The following SKIL variants were observed in gnomAD, a reference collection of about 807,000 sequenced individuals.
SKIL encodes SKI like proto-oncogene, also known as ski-like protein.
SKIL carries 20 observed loss-of-function variants against 69.6 expected under a neutral mutation model. The ratio of observed to expected loss-of-function variants is 0.29; its 90% CI spans 0.20 to 0.42. The LOEUF (loss-of-function observed/expected upper bound fraction) is 0.42. Ranked by LOEUF, SKIL falls within the 10% of genes least tolerant of loss-of-function variation. SKIL has a pLI of 1.00. For synonymous variants in SKIL, 310 were observed against 279.9 expected, an observed-to-expected ratio of 1.11 and a Z score of -1.08; for missense variants, 745 against 783.1, an observed-to-expected ratio of 0.95 and a Z score of 0.58.
chr3:170,361,148 CAG>C lies in SKIL; in HGVS notation c.818_819del (p.Gln273ArgfsTer12). On this transcript the variant is annotated frameshift_variant, in exon 2 of 7. Coordinates refer to ENST00000259119, the MANE Select transcript of SKIL (RefSeq NM_005414.5). LOFTEE classifies it high-confidence loss of function. ...EVEHECLGKC[Q>X]GLFAPQFYVQ... ...GGAGCATGAATGCCTAGGCAAATGT[CAG>C]GGTTTATTTGCACCCCAGTTTTATG... 1 of 1,614,200 alleles carries C rather than the reference CAG, an allele frequency of 6.2e-7. No individual in the cohort carries two copies. The highest frequency in any genetic ancestry group is 8.5e-7 in the Non-Finnish European group (1 of 1,180,032).
At chr3:170,385,442 G>T (rs1024423620) in intron 4 of SKIL, among the ~76,000 whole-genome samples, 7 of 151,908 alleles carry the variant, frequency 4.6e-5, no homozygotes, top group Non-Finnish European at 8.8e-5. Flanking sequence ...TTAATAATAA[G>T]AAGTATTATG....
chr3:170,358,204 G>T (rs1465824200), intron 1 of SKIL, among the ~76,000 whole-genome samples: 3 of 152,198 alleles, frequency 2.0e-5, no homozygotes, highest in Admixed American at 6.5e-5. Context: ...CTTCGTTCTG[G>T]CCCGGGGCTG....
intron 2 of SKIL, among the ~76,000 whole-genome samples, chr3:170,364,365 C>A (rs1393252773): frequency 7.5e-6 from 1 of 133,926 alleles, no homozygotes; most frequent in African/African-American, 2.8e-5. Flanking sequence ...CTCTTATTGC[C>A]CAGGCTGGAG....
Position 170,368,144 on chromosome 3 carries a change from A to G in SKIL, c.1098+6715A>G, listed in dbSNP as rs141207503. Among the ~76,000 whole-genome samples, 37 of 152,322 alleles carry G rather than the reference A, an allele frequency of 2.4e-4. No homozygotes were observed. The East Asian group carries it at 6.2e-3, about 25-fold the overall frequency. ...GTTGTGTTGGGACAGAATGTGATCTAGTAATAATTGTGGTGGATTTGATGG... is the reference window on the plus strand; with the variant it reads ...GTTGTGTTGGGACAGAATGTGATCTGGTAATAATTGTGGTGGATTTGATGG... On this transcript the variant is annotated intron_variant, in intron 2 of 6. Transcript: ENST00000259119.
chr3:170,395,077 G>A lies in SKIL; in HGVS notation c.*2660G>A, dbSNP rs1213690462. On this transcript the variant is annotated 3_prime_UTR_variant, in exon 7 of 7. Transcript: ENST00000259119. ...GCATTAAAGGGACAACCTATAAAAA[G>A]TTTTGCTAGCTCATCTTTAGAAGGA... 2.0e-5 allele frequency: 3 copies of A among 152,108 alleles called. No individual in the cohort carries two copies. Among genetic ancestry groups the A allele is most frequent in the Admixed American group, 2.0e-4 (3 of 15,266 alleles). 9.4% of individuals were successfully genotyped at this position (152,108 alleles called of 1,614,324 possible). A position where few individuals can be genotyped will look rare whatever the true frequency, so the allele number is the denominator to read the frequency against.
At chr3:170,392,112 T>C in intron 6 of SKIL, 147 bp from the exon 7 acceptor site, 1 of 594,918 alleles carries the variant, frequency 1.7e-6, no homozygotes, top group Non-Finnish European at 2.9e-6. Flanking sequence ...GATGTCAGAT[T>C]AATAGTATTA....
chr3:170,361,295 T>G lies in SKIL; in HGVS notation c.964T>G (p.Ser322Ala), dbSNP rs1479607542. ...DKRTCHWGFE[S>A]AKWHCYLHVN... ...AAGAACTTGCCACTGGGGCTTTGAATCAGCTAAATGGCATTGCTATCTTCA... is the reference window on the plus strand; with the variant it reads ...AAGAACTTGCCACTGGGGCTTTGAAGCAGCTAAATGGCATTGCTATCTTCA... Residue 322 changes from serine (S) to alanine (A), a missense_variant, in exon 2 of 7, where the codon TCA becomes GCA. Transcript: ENST00000259119. 5.6e-6 allele frequency: 9 copies of G among 1,614,184 alleles called. No homozygotes were observed. The highest frequency in any genetic ancestry group is 7.6e-6 in the Non-Finnish European group (9 of 1,180,030).
At position 170,393,127 on chromosome 3, in the gene SKIL, G is replaced by A. The variant is rs536918240; in HGVS notation, c.*710G>A. On this transcript the variant is annotated 3_prime_UTR_variant, in exon 7 of 7. Coordinates refer to ENST00000259119, the MANE Select transcript of SKIL (RefSeq NM_005414.5). Reference sequence around the variant, plus strand: ...TTATAGTTAGATTTTTTTTTAAGCAGCAACTTTTCAAAAATAAAATGTGAT... The same window carrying A: ...TTATAGTTAGATTTTTTTTTAAGCAACAACTTTTCAAAAATAAAATGTGAT... 4 of 151,990 alleles carry A rather than the reference G, an allele frequency of 2.6e-5. No individual in the cohort carries two copies. Among genetic ancestry groups the A allele is most frequent in the Non-Finnish European group, 5.9e-5 (4 of 67,962 alleles). 9.4% of individuals were successfully genotyped at this position (151,990 alleles called of 1,614,324 possible).
chr3:170,358,157 G>A (rs1462935656), intron 1 of SKIL, among the ~76,000 whole-genome samples: 1 of 152,186 alleles, frequency 6.6e-6, no homozygotes, highest in African/African-American at 2.4e-5. Flanking sequence ...GGCGGCGCAG[G>A]GATCCGCGCC....
chr3:170,366,696 G>GACACACAGACACACAGACAC (rs57637265), intron 2 of SKIL, among the ~76,000 whole-genome samples: 1 of 147,580 alleles, frequency 6.8e-6, no homozygotes, highest in African/African-American at 2.5e-5. Flanking sequence ...CACACACACA[G>GACACACAGACACACAGACAC]ACACACACAC....
chr3:170,371,087 A>C (rs1736780735), intron 2 of SKIL, among the ~76,000 whole-genome samples: 1 of 152,264 alleles, frequency 6.6e-6, no homozygotes, highest in Non-Finnish European at 1.5e-5. Context: ...AGTACAAAGA[A>C]GAAAACACAA....
chr3:170,388,025 G>C (rs1479945630), intron 4 of SKIL, among the ~76,000 whole-genome samples: 2 of 149,406 alleles, frequency 1.3e-5, no homozygotes, highest in South Asian at 4.2e-4. Context: ...TTTTTTTTTG[G>C]TATGTATTTA....
intron 2 of SKIL, among the ~76,000 whole-genome samples, chr3:170,371,756 A>G (rs1199844523): frequency 6.6e-6 from 1 of 152,232 alleles, no homozygotes; most frequent in Non-Finnish European, 1.5e-5. Context: ...TTCATTACAT[A>G]CAATGGATGC....
intron 4 of SKIL, among the ~76,000 whole-genome samples, chr3:170,386,458 GT>G (rs796309845): frequency 1.3e-5 from 2 of 151,988 alleles, no homozygotes; most frequent in African/African-American, 2.4e-5. Context: ...TATTTTGAGG[GT>G]TTTTTGTTTC....
In SKIL at chr3:170,360,989, C is replaced by T. The variant is rs777379434; in HGVS notation, c.658C>T (p.Leu220=). The stretch of plus-strand genomic sequence containing the variant: ...TCCATTCAATGCCCCATCCTGTGGG[C>T]TGATTACATTAACTGATGCACAAAG... The part of the protein sequence containing the change: ...ILPFNAPSCG[L]ITLTDAQRLC... Residue 220 remains leucine (L), a synonymous_variant, in exon 2 of 7, where the codon CTG becomes TTG. Transcript: ENST00000259119. 113 of 1,614,022 alleles carry T rather than the reference C, an allele frequency of 7.0e-5. No individual in the cohort carries two copies. The Middle Eastern group carries it at 8.2e-4, about 12-fold the overall frequency.
At chr3:170,365,896 C>T (rs1337163071) in intron 2 of SKIL, among the ~76,000 whole-genome samples, 1 of 151,926 alleles carries the variant, frequency 6.6e-6, no homozygotes. Flanking sequence ...GCTGCAATTA[C>T]AGGCGTCTGC....
In SKIL at chr3:170,394,056, C is replaced by T. The variant is rs1268084267; in HGVS notation, c.*1639C>T. The stretch of plus-strand genomic sequence containing the variant: ...TTGCTATATTAAGACTAATTTAATT[C>T]GTTGAGTCTTGGAATCTTCTCAAGG... On this transcript the variant is annotated 3_prime_UTR_variant, in exon 7 of 7. Coordinates refer to ENST00000259119, the MANE Select transcript of SKIL (RefSeq NM_005414.5). 1 of 147,944 alleles carries T rather than the reference C, an allele frequency of 6.8e-6. No homozygotes were observed. Among genetic ancestry groups the T allele is most frequent in the South Asian group, 2.1e-4 (1 of 4,726 alleles). 9.2% of individuals were successfully genotyped at this position (147,944 alleles called of 1,614,324 possible). A position where few individuals can be genotyped will look rare whatever the true frequency, so the allele number is the denominator to read the frequency against.
chr3:170,369,894 A>T (rs1736714479), intron 2 of SKIL, among the ~76,000 whole-genome samples: 1 of 152,226 alleles, frequency 6.6e-6, no homozygotes, highest in African/African-American at 2.4e-5. Context: ...GGATTTTATT[A>T]GACTCTAGAA....
rs148445284 is a variant in SKIL at position 170,361,012 on chromosome 3, A to C, written c.681A>C (p.Gln227His). The C allele has an allele frequency of 1.2e-6, 2 of 1,614,206 alleles. No individual in the cohort carries two copies. The highest frequency in any genetic ancestry group is 1.3e-5 in the African/African-American group (1 of 75,062). ...GGCTGATTACATTAACTGATGCACA[A>C]AGATTATGTAATGCTTTATTGCGGC... ...SCGLITLTDA[Q>H]RLCNALLRPR... The change falls in exon 2 of 7, where the codon CAA becomes CAC. Residue 227 changes from glutamine (Q) to histidine (H), a missense_variant. Physicochemically the swap from Gln to His is conservative, Grantham distance 24. Coordinates refer to ENST00000259119, the MANE Select transcript of SKIL (RefSeq NM_005414.5).
Sources: gnomAD v4.1 joint callset for allele counts (sites outside exome capture counted in the v4.1 genomes callset) on GRCh38, gnomAD v4.1.1 for gene constraint, MANE v1.5 for transcripts, NCBI Gene and HGNC (gene_info 2026-07-23, HGNC 2026-07-21) for gene names.